Variants in TUNAR observed in about 807,000 individuals in gnomAD.
The protein encoded by TUNAR is protein TUNAR.
chr14:95,880,505 G>A (rs1261916495), intron 2 of TUNAR, among the ~76,000 whole-genome samples: 1 of 152,146 alleles, frequency 6.6e-6, no homozygotes. Context: ...GGCAGAAGAT[G>A]CAAGAACTAT....
intron 2 of TUNAR, among the ~76,000 whole-genome samples, chr14:95,891,632 G>C (rs1016803550): frequency 1.3e-5 from 2 of 152,210 alleles, no homozygotes; most frequent in Non-Finnish European, 2.9e-5. Flanking sequence ...CTATACACTC[G>C]CTACACATGC....
intron 2 of TUNAR, among the ~76,000 whole-genome samples, chr14:95,900,674 C>G (rs1247107053): frequency 6.6e-6 from 1 of 152,196 alleles, no homozygotes; most frequent in African/African-American, 2.4e-5. Flanking sequence ...AAGCCTTAAT[C>G]CAGGTTAGCT....
chr14:95,893,119 G>C (rs1042772324), intron 2 of TUNAR, among the ~76,000 whole-genome samples: 7 of 152,158 alleles, frequency 4.6e-5, no homozygotes, highest in Admixed American at 4.6e-4. Context: ...GGAGACCAGA[G>C]AGAGGGAACA....
exon 3 of TUNAR, chr14:95,925,488 A>G (rs1889773316): frequency 6.6e-6 from 1 of 152,214 alleles, no homozygotes; most frequent in African/African-American, 2.4e-5. Context: ...GCTACTCAGT[A>G]GGCTCTGTGT....
At chr14:95,897,298 G>A (rs1042415462) in intron 2 of TUNAR, among the ~76,000 whole-genome samples, 2 of 152,302 alleles carry the variant, frequency 1.3e-5, no homozygotes, top group Admixed American at 6.5e-5. Context: ...CGTACTAGTG[G>A]CTCTTTCTCC....
chr14:95,903,188 C>A (rs1334290404), intron 2 of TUNAR, among the ~76,000 whole-genome samples: 1 of 152,210 alleles, frequency 6.6e-6, no homozygotes, highest in African/African-American at 2.4e-5. Flanking sequence ...GGAGATGTTT[C>A]TCCCGCTCGC....
At chr14:95,911,504 A>T (rs183025432) in intron 2 of TUNAR, among the ~76,000 whole-genome samples, 2 of 152,306 alleles carry the variant, frequency 1.3e-5, no homozygotes. Flanking sequence ...TTAGGTGACC[A>T]CTGAGGTCTC....
At chr14:95,894,785 T>G (rs1054337105) in intron 2 of TUNAR, among the ~76,000 whole-genome samples, 47 of 152,210 alleles carry the variant, frequency 3.1e-4, no homozygotes, top group African/African-American at 1.1e-3. Flanking sequence ...GAAAGGACTC[T>G]TTTAAGCAAG....
intron 2 of TUNAR, among the ~76,000 whole-genome samples, chr14:95,908,315 G>GGCAGCT (rs1889456827): frequency 6.6e-6 from 1 of 152,150 alleles, no homozygotes; most frequent in African/African-American, 2.4e-5. Context: ...CCATGGTTTG[G>GGCAGCT]GCAGCTGCAG....
chr14:95,921,829 TG>T (rs1889702485), intron 2 of TUNAR, among the ~76,000 whole-genome samples: 1 of 152,182 alleles, frequency 6.6e-6, no homozygotes, highest in Admixed American at 6.5e-5. Flanking sequence ...TAAATCAAAT[TG>T]TACTGCACAA....
intron 2 of TUNAR, among the ~76,000 whole-genome samples, chr14:95,916,720 A>G (rs1566792435): frequency 6.6e-6 from 1 of 152,228 alleles, no homozygotes; most frequent in Non-Finnish European, 1.5e-5. Context: ...AAGTGACAGT[A>G]TCCACTGATA....
At chr14:95,918,599 C>T (rs562490331) in intron 2 of TUNAR, among the ~76,000 whole-genome samples, 2 of 152,340 alleles carry the variant, frequency 1.3e-5, no homozygotes, top group South Asian at 4.1e-4. Flanking sequence ...TGCAACTCTT[C>T]TGTGAGTCGG....
At chr14:95,894,466 C>T (rs1048568521) in intron 2 of TUNAR, among the ~76,000 whole-genome samples, 1 of 152,100 alleles carries the variant, frequency 6.6e-6, no homozygotes, top group Non-Finnish European at 1.5e-5. Context: ...AGGAGGAGGG[C>T]GGGGAGGGAG....
intron 2 of TUNAR, among the ~76,000 whole-genome samples, chr14:95,922,571 A>G (rs1889715382): frequency 6.6e-6 from 1 of 152,168 alleles, no homozygotes; most frequent in African/African-American, 2.4e-5. Flanking sequence ...TACCAATGTC[A>G]GGACACTCAT....
chr14:95,897,489 A>G (rs908041494), intron 2 of TUNAR, among the ~76,000 whole-genome samples: 1 of 152,186 alleles, frequency 6.6e-6, no homozygotes, highest in Non-Finnish European at 1.5e-5. Context: ...CCCACCTGCT[A>G]CTTTCAGGCT....
intron 2 of TUNAR, among the ~76,000 whole-genome samples, chr14:95,915,396 G>T (rs904561311): frequency 2.0e-4 from 30 of 152,176 alleles, no homozygotes; most frequent in African/African-American, 6.5e-4. Flanking sequence ...CAGCACCGTG[G>T]CTAGGATGAG....
chr14:95,885,570 A>C (rs545800524), intron 2 of TUNAR, among the ~76,000 whole-genome samples: 8 of 152,116 alleles, frequency 5.3e-5, no homozygotes, highest in Non-Finnish European at 8.8e-5. Context: ...AGAAGCACAG[A>C]GGCCTGTTTA....
intron 2 of TUNAR, among the ~76,000 whole-genome samples, chr14:95,890,799 T>C (rs1889166913): frequency 6.6e-6 from 1 of 152,262 alleles, no homozygotes; most frequent in South Asian, 2.1e-4. Context: ...GAAAGTATTT[T>C]AAATTTGTTC....
At chr14:95,877,859 TCTA>T (rs900448953) in intron 2 of TUNAR, among the ~76,000 whole-genome samples, 1 of 152,270 alleles carries the variant, frequency 6.6e-6, no homozygotes, top group Admixed American at 6.5e-5. Context: ...TAATGTGTAC[TCTA>T]CTTTTTAGTT....
Sources: allele counts gnomAD v4.1 joint callset (sites outside exome capture counted in the v4.1 genomes callset), GRCh38; gene constraint gnomAD v4.1.1; transcripts MANE v1.5; gene names NCBI Gene and HGNC (gene_info 2026-07-23, HGNC 2026-07-21).